ZMYND11: variants seen among roughly 807,000 people sequenced by gnomAD.
ZMYND11 encodes the protein zinc finger MYND domain-containing protein 11.
Under a neutral mutation model 84.9 loss-of-function variants are expected in ZMYND11, and 9 were observed. The ratio of observed to expected loss-of-function variants is 0.11; its 90% CI spans 0.06 to 0.18. ZMYND11 has a LOEUF of 0.18. ZMYND11 is among the 10% of genes least tolerant of loss of function. The pLI is 1.00. For synonymous variants in ZMYND11, 250 were observed against 244.1 expected (o/e 1.02, Z -0.23); for missense variants, 409 against 761.0 (o/e 0.54, Z 5.44).
chr10:185,304 C>T (rs902441354), intron 2 of ZMYND11, among the ~76,000 whole-genome samples: 3 of 152,026 alleles, frequency 2.0e-5, no homozygotes, highest in Admixed American at 6.6e-5. Context: ...GATTTGTTCT[C>T]ACCTGCTCAA....
At chr10:243,453 TTTTTC>T (rs1271721093) in intron 10 of ZMYND11, among the ~76,000 whole-genome samples, 1 of 152,194 alleles carries the variant, frequency 6.6e-6, no homozygotes, top group Non-Finnish European at 1.5e-5. Flanking sequence ...TATCTATATA[TTTTTC>T]TTTTTCATCA....
At chr10:194,918 G>GGT (rs1444567876) in intron 2 of ZMYND11, among the ~76,000 whole-genome samples, 1 of 152,074 alleles carries the variant, frequency 6.6e-6, no homozygotes, top group Non-Finnish European at 1.5e-5. Flanking sequence ...ATTATTGAAA[G>GGT]GTACTAATAC....
intron 4 of ZMYND11, among the ~76,000 whole-genome samples, chr10:235,952 C>T (rs1457341999): frequency 6.6e-6 from 1 of 152,192 alleles, no homozygotes; most frequent in African/African-American, 2.4e-5. Flanking sequence ...TTGTCCTTTC[C>T]TCTACTGTAT....
intron 14 of ZMYND11, chr10:249,733 GAAAGCTCATAA>G (rs1952953986): frequency 1.0e-6 from 1 of 985,218 alleles, no homozygotes; most frequent in African/African-American, 1.7e-5. Flanking sequence ...TTTTGCTCCC[GAAAGCTCATAA>G]CTTGGTTTCA....
At chr10:186,956 G>A (rs1271771964) in intron 2 of ZMYND11, among the ~76,000 whole-genome samples, 1 of 152,074 alleles carries the variant, frequency 6.6e-6, no homozygotes, top group East Asian at 1.9e-4. Context: ...AACTGCTGAT[G>A]TTGGCTCCTG....
chr10:197,270 C>T (rs1204283331), intron 2 of ZMYND11, among the ~76,000 whole-genome samples: 1 of 151,224 alleles, frequency 6.6e-6, no homozygotes, highest in Admixed American at 6.6e-5. Flanking sequence ...GCTTTTAGTT[C>T]ATGTGTGTGC....
chr10:150,151 C>T (rs374180190), intron 1 of ZMYND11, among the ~76,000 whole-genome samples: 4 of 152,154 alleles, frequency 2.6e-5, no homozygotes, highest in African/African-American at 9.7e-5. Context: ...AGGATTCCCT[C>T]TTTTTGTATT....
intron 1 of ZMYND11, among the ~76,000 whole-genome samples, chr10:146,719 A>C (rs1231752711): frequency 1.3e-5 from 2 of 152,124 alleles, no homozygotes; most frequent in Admixed American, 1.3e-4. Flanking sequence ...TCTCATCTTG[A>C]ATTGTAGCTC....
chr10:176,393 C>A (rs1250972278), intron 1 of ZMYND11, among the ~76,000 whole-genome samples: 1 of 152,004 alleles, frequency 6.6e-6, no homozygotes, highest in Non-Finnish European at 1.5e-5. Flanking sequence ...TATTAATGAT[C>A]TCTACAAAGA....
At position 227,453 on chromosome 10, in the gene ZMYND11, A is replaced by G. The variant is rs549668310; in HGVS notation, c.438+6097A>G. ...TGGGAGTCCACCTGGAGCTTTATCA[A>G]TTGGGTACAGACTGGCATGTCAGTG... On this transcript the variant is annotated intron_variant, in intron 4 of 14. Transcript: ENST00000381604. Among the ~76,000 whole-genome samples, 9 of 152,290 alleles carry G rather than the reference A, an allele frequency of 5.9e-5. No individual in the cohort carries two copies. In the South Asian group the frequency reaches 1.9e-3, roughly 32 times the overall value.
At chr10:174,879 GTCAT>G (rs1399058860) in intron 1 of ZMYND11, among the ~76,000 whole-genome samples, 1 of 149,562 alleles carries the variant, frequency 6.7e-6, no homozygotes, top group Non-Finnish European at 1.5e-5. Context: ...GCACATGCTT[GTCAT>G]TCATACATTG....
intron 3 of ZMYND11, among the ~76,000 whole-genome samples, chr10:220,446 AAAAAG>A (rs777151911): frequency 7.3e-4 from 111 of 152,330 alleles, no homozygotes; most frequent in Admixed American, 1.8e-3. Flanking sequence ...GCTGTATAAA[AAAAAG>A]GTGTCAAAAA....
intron 2 of ZMYND11, among the ~76,000 whole-genome samples, chr10:187,655 C>A (rs560452098): frequency 6.6e-6 from 1 of 151,696 alleles, no homozygotes; most frequent in Admixed American, 6.6e-5. Context: ...AAAAACCATA[C>A]CCAAGATAAA....
intron 4 of ZMYND11, among the ~76,000 whole-genome samples, chr10:224,586 C>T (rs1947763960): frequency 6.6e-6 from 1 of 152,090 alleles, no homozygotes; most frequent in South Asian, 2.1e-4. Flanking sequence ...AAAAAATTCC[C>T]AGAAACCGTA....
chr10:148,677 G>A (rs1839510191), intron 1 of ZMYND11: 1 of 152,270 alleles, frequency 6.6e-6, no homozygotes, highest in African/African-American at 2.4e-5. Context: ...ATGCATGGCA[G>A]GTGGAATTTT....
chr10:180,732 A>G (rs963470680), intron 2 of ZMYND11, among the ~76,000 whole-genome samples: 1 of 152,190 alleles, frequency 6.6e-6, no homozygotes, highest in Non-Finnish European at 1.5e-5. Flanking sequence ...CCTTTAGTGA[A>G]TCACTTTTAT....
rs143320439 is a variant in ZMYND11 at position 242,932 on chromosome 10, G to T, written c.950+793G>T. Reference sequence around the variant, plus strand: ...ATACACACTTACCTGACACTGTCATGTCAAGAAACATTAAATAATGATCCA... The same window carrying T: ...ATACACACTTACCTGACACTGTCATTTCAAGAAACATTAAATAATGATCCA... On this transcript the variant is annotated intron_variant, in intron 10 of 14. Transcript: ENST00000381604. Among the ~76,000 whole-genome samples, 6 of 152,316 alleles carry T rather than the reference G, an allele frequency of 3.9e-5. No individual in the cohort carries two copies. The East Asian group carries it at 1.2e-3, about 29-fold the overall frequency.
At chr10:212,238 A>G (rs1288473303) in intron 3 of ZMYND11, among the ~76,000 whole-genome samples, 1 of 152,120 alleles carries the variant, frequency 6.6e-6, no homozygotes, top group Non-Finnish European at 1.5e-5. Context: ...TTTTACCACT[A>G]TATTAGGTCC....
upstream of ZMYND11, among the ~76,000 whole-genome samples, chr10:131,217 T>C (rs1835306088): frequency 6.6e-6 from 1 of 152,176 alleles, no homozygotes; most frequent in African/African-American, 2.4e-5. Flanking sequence ...TTTCATCTTG[T>C]GTGATGAGTT....
Sources: gnomAD v4.1 joint callset for allele counts (sites outside exome capture counted in the v4.1 genomes callset) on GRCh38, gnomAD v4.1.1 for gene constraint, MANE v1.5 for transcripts, NCBI Gene and HGNC (gene_info 2026-07-23, HGNC 2026-07-21) for gene names.